The following WWOX variants were observed in gnomAD, a reference collection of about 807,000 sequenced individuals.
WWOX encodes WW domain-containing oxidoreductase.
WWOX carries 69 observed loss-of-function variants against 46.2 expected under a neutral mutation model. The observed-to-expected ratio is 1.49, with a 90% CI of 1.23 to 1.82. The LOEUF (loss-of-function observed/expected upper bound fraction) is 1.82. Among genes scored for constraint, WWOX ranks in the 40% most tolerant of loss-of-function variants. The pLI is 0.00. For missense variants in WWOX, 919 were observed against 542.6 expected (o/e 1.69, Z -6.89); for synonymous variants, 359 against 202.6 (o/e 1.77, Z -6.56).
chr16:79,021,699 G>T lies in WWOX; in HGVS notation c.1057-189909G>T, dbSNP rs1435657876. On this transcript the variant is annotated intron_variant, in intron 8 of 8. Coordinates refer to ENST00000566780, the MANE Select transcript of WWOX (RefSeq NM_016373.4). ...ATCGCAGTGCATTGCCTAAATGACA[G>T]TAATGCTAAACTCCAGTCAGATGTT... 2.6e-5 allele frequency among the ~76,000 whole-genome samples: 4 copies of T among 152,190 alleles called. 1 individual carries two copies. Among genetic ancestry groups the T allele is most frequent in the Non-Finnish European group, 5.9e-5 (4 of 68,040 alleles).
intron 8 of WWOX, among the ~76,000 whole-genome samples, chr16:78,741,416 C>A (rs1350790058): frequency 6.6e-6 from 1 of 152,032 alleles, no homozygotes; most frequent in Non-Finnish European, 1.5e-5. Flanking sequence ...CAAAAAATAG[C>A]TGGCGTGGTG....
At chr16:78,386,991 A>G (rs369158209) in intron 6 of WWOX, 43 bp downstream of exon 6, 7 of 1,571,858 alleles carry the variant, frequency 4.5e-6, no homozygotes, top group African/African-American at 1.3e-5. Context: ...ATTTCTTGCT[A>G]TTGTAATATC....
intron 8 of WWOX, among the ~76,000 whole-genome samples, chr16:78,903,330 C>G (rs1316009431): frequency 6.6e-6 from 1 of 152,020 alleles, no homozygotes; most frequent in Non-Finnish European, 1.5e-5. Flanking sequence ...TGGAAAGCAA[C>G]CAATCAGAGG....
chr16:78,859,025 AAAATATATATATATATATATATATG>A (rs1428604249), intron 8 of WWOX, among the ~76,000 whole-genome samples: 41 of 31,430 alleles, frequency 1.3e-3, no homozygotes, highest in African/African-American at 6.9e-3. Flanking sequence ...AAAAAAAAAA[AAAATATATATATATATATATATATG>A]TATATATATA....
At chr16:79,030,907 A>T (rs1435241992) in intron 8 of WWOX, among the ~76,000 whole-genome samples, 2 of 151,934 alleles carry the variant, frequency 1.3e-5, no homozygotes, top group Non-Finnish European at 2.9e-5. Flanking sequence ...ACATAGTGAG[A>T]CCCCTGTCTC....
chr16:79,098,765 A>C (rs2049129975), intron 8 of WWOX, among the ~76,000 whole-genome samples: 1 of 152,240 alleles, frequency 6.6e-6, no homozygotes, highest in African/African-American at 2.4e-5. Context: ...TGGAAAGTGG[A>C]ATGCATAGAA....
At chr16:78,263,501 A>G (rs968924964) in intron 5 of WWOX, among the ~76,000 whole-genome samples, 2 of 152,186 alleles carry the variant, frequency 1.3e-5, no homozygotes, top group East Asian at 3.9e-4. Context: ...GCAAATGCTC[A>G]TTAACACCAT....
chr16:79,212,214 A>C lies in WWOX; in HGVS notation c.*418A>C, dbSNP rs1017188049. ...GCCTTCTCCTACTTAGGGAAGAAAA[A>C]GCAAGTGTTCACTGCTCCTTGCTGC... is the stretch of plus-strand genomic sequence containing the variant. On this transcript the variant is annotated 3_prime_UTR_variant, in exon 9 of 9. Transcript: ENST00000566780. The C allele has an allele frequency of 5.6e-6, 8 of 1,437,610 alleles. No homozygotes were observed. The highest frequency in any genetic ancestry group is 1.4e-5 in the African/African-American group (1 of 69,664). 89.1% of individuals were successfully genotyped at this position (1,437,610 alleles called of 1,614,324 possible). A position where few individuals can be genotyped will look rare whatever the true frequency, so the allele number is the denominator to read the frequency against.
intron 8 of WWOX, among the ~76,000 whole-genome samples, chr16:78,755,437 G>A (rs1311373196): frequency 6.6e-6 from 1 of 151,710 alleles, no homozygotes; most frequent in Non-Finnish European, 1.5e-5. Context: ...GGGATGATGG[G>A]GTCTTGTGAT....
At chr16:79,029,141 T>C (rs1451949366) in intron 8 of WWOX, among the ~76,000 whole-genome samples, 1 of 152,112 alleles carries the variant, frequency 6.6e-6, no homozygotes, top group East Asian at 1.9e-4. Context: ...GCAGAATCGA[T>C]TGATGAAGGA....
At chr16:78,975,740 T>G (rs573095603) in intron 8 of WWOX, among the ~76,000 whole-genome samples, 1 of 152,268 alleles carries the variant, frequency 6.6e-6, no homozygotes, top group South Asian at 2.1e-4. Context: ...CAGAGCCAAT[T>G]GAGGCCTTTG....
intron 8 of WWOX, among the ~76,000 whole-genome samples, chr16:78,888,927 CT>C (rs1165883878): frequency 6.6e-6 from 1 of 151,116 alleles, no homozygotes; most frequent in East Asian, 1.9e-4. Context: ...CAAGCTTCTC[CT>C]TTTTCCCCAA....
At chr16:78,623,511 C>G (rs1040006519) in intron 8 of WWOX, among the ~76,000 whole-genome samples, 9 of 152,120 alleles carry the variant, frequency 5.9e-5, no homozygotes, top group African/African-American at 2.2e-4. Context: ...GAAACCCCAT[C>G]TCTACTAAAA....
intron 8 of WWOX, among the ~76,000 whole-genome samples, chr16:78,988,317 C>G (rs1479392040): frequency 6.6e-6 from 1 of 150,580 alleles, no homozygotes; most frequent in Non-Finnish European, 1.5e-5. Context: ...GCACTCCAGC[C>G]CAGGCAACAA....
At chr16:78,655,242 G>C (rs2047054190) in intron 8 of WWOX, among the ~76,000 whole-genome samples, 1 of 152,096 alleles carries the variant, frequency 6.6e-6, no homozygotes, top group African/African-American at 2.4e-5. Flanking sequence ...GCCTCATCTG[G>C]CTTCTCAGGG....
chr16:78,741,054 C>G (rs1021235483), intron 8 of WWOX, among the ~76,000 whole-genome samples: 10 of 152,150 alleles, frequency 6.6e-5, no homozygotes, highest in African/African-American at 2.4e-4. Flanking sequence ...AAGTCCCTGT[C>G]CAGCCAGCCA....
chr16:79,177,016 C>T (rs1303561813), intron 8 of WWOX, among the ~76,000 whole-genome samples: 1 of 152,124 alleles, frequency 6.6e-6, no homozygotes, highest in African/African-American at 2.4e-5. Flanking sequence ...ATTGTCTTAG[C>T]ATATGTTGCT....
chr16:78,626,212 C>T lies in WWOX; in HGVS notation c.1056+193460C>T, dbSNP rs145068636. 7.6e-3 allele frequency among the ~76,000 whole-genome samples: 1,157 copies of T among 151,986 alleles called. 9 individuals carry two copies. The highest frequency in any genetic ancestry group is 0.024 in the Middle Eastern group (7 of 292). On this transcript the variant is annotated intron_variant, in intron 8 of 8. Transcript: ENST00000566780. ...GTGGCGCGATCTTGGCTCACTGCAA[C>T]CTCCGCCTCGCAGGTTTAAGTGATT...
Position 79,137,219 on chromosome 16 carries a change from T to G in WWOX, c.1057-74389T>G, listed in dbSNP as rs536492120. 6.6e-4 allele frequency among the ~76,000 whole-genome samples: 100 copies of G among 152,346 alleles called. 1 individual carries two copies. Among genetic ancestry groups the G allele is most frequent in the African/African-American group, 2.4e-3 (98 of 41,588 alleles). On this transcript the variant is annotated intron_variant, in intron 8 of 8. Coordinates refer to ENST00000566780, the MANE Select transcript of WWOX (RefSeq NM_016373.4). Reference sequence around the variant, plus strand: ...GGTTTTATTATGCATGCCATACCCATGCTCTCTATTTCCTCGATAGACCTT... The same window carrying G: ...GGTTTTATTATGCATGCCATACCCAGGCTCTCTATTTCCTCGATAGACCTT...
Sources: allele counts gnomAD v4.1 joint callset (sites outside exome capture counted in the v4.1 genomes callset), GRCh38; gene constraint gnomAD v4.1.1; transcripts MANE v1.5; gene names NCBI Gene and HGNC (gene_info 2026-07-23, HGNC 2026-07-21).